Variants in CCZ1 observed in about 807,000 individuals in gnomAD.
CCZ1 encodes the protein vacuolar fusion protein CCZ1 homolog.
CCZ1 carries 19 observed loss-of-function variants against 57.8 expected under a neutral mutation model. That is an observed-to-expected ratio of 0.33 (90% confidence interval 0.23 to 0.48). The LOEUF (loss-of-function observed/expected upper bound fraction) is 0.48, where lower values mean the gene tolerates loss of function less well. Among genes scored for constraint, CCZ1 ranks in the 20% least tolerant of loss-of-function variants. The probability of loss-of-function intolerance (pLI) is 0.99; values close to 1 mark genes in which losing one functional copy is unlikely to be tolerated. For synonymous variants in CCZ1, 81 were observed against 167.0 expected (o/e 0.49, Z 3.97); for missense variants, 200 against 492.0 (o/e 0.41, Z 5.61).
rs2528332 is a variant in CCZ1 at position 5,912,733 on chromosome 7, C to T, written c.843-110C>T. ...CTGATATGGTGTTTGCCAAATAGCACCTGGCATCAAAAGCAACTGGTGTGT... is the reference window on the plus strand; with the variant it reads ...CTGATATGGTGTTTGCCAAATAGCATCTGGCATCAAAAGCAACTGGTGTGT... On this transcript the variant is annotated intron_variant, in intron 9 of 14. Coordinates refer to ENST00000325974, the MANE Select transcript of CCZ1 (RefSeq NM_015622.6). 3 of 1,240,430 alleles carry T rather than the reference C, an allele frequency of 2.4e-6. No homozygotes were observed. The African/African-American group carries it at 4.5e-5, about 19-fold the overall frequency. 76.8% of individuals were successfully genotyped at this position (1,240,430 alleles called of 1,614,324 possible).
intron 6 of CCZ1, 86 bp downstream of exon 6, chr7:5,902,830 A>C (rs142822906): frequency 0.15 from 219,604 of 1,427,384 alleles, 21,479 homozygotes; most frequent in Non-Finnish European, 0.16. Context: ...TGTTTCTTAT[A>C]TACAAAAAAC....
In CCZ1 at chr7:5,923,552, CCAGCCACTTCTCCAAT is replaced by C; in HGVS notation, c.1265+11_1265+26del. Reference sequence around the variant, plus strand: ...TCAACAGTGACTTTACCAGGTGATTCCAGCCACTTCTCCAATCAGGCGTCCCCTTTCTAAGACGAGA... The same window carrying C: ...TCAACAGTGACTTTACCAGGTGATTCCAGGCGTCCCCTTTCTAAGACGAGA... On this transcript the variant is annotated splice_region_variant and intron_variant, in intron 13 of 14. Transcript: ENST00000325974. 2.7e-6 allele frequency: 1 copy of C among 375,330 alleles called. No individual in the cohort carries two copies. Among genetic ancestry groups the C allele is most frequent in the South Asian group, 2.3e-5 (1 of 44,420 alleles). 23.2% of individuals were successfully genotyped at this position (375,330 alleles called of 1,614,324 possible). A position where few individuals can be genotyped will look rare whatever the true frequency, so the allele number is the denominator to read the frequency against.
chr7:5,922,754 C>T (rs368398410), intron 12 of CCZ1, among the ~76,000 whole-genome samples: 18 of 149,608 alleles, frequency 1.2e-4, no homozygotes, highest in East Asian at 1.2e-3. Context: ...GGGAAAGCTT[C>T]GTTACATAGT....
At chr7:5,900,834 T>G (rs550109387) in intron 3 of CCZ1, 21 bp from the exon 4 acceptor site, 5 of 1,264,090 alleles carry the variant, frequency 4.0e-6, no homozygotes, top group African/African-American at 1.6e-5. Flanking sequence ...TTGTATAATT[T>G]CAGTTTATCA....
intron 1 of CCZ1, among the ~76,000 whole-genome samples, chr7:5,899,498 C>T (rs1781634210): frequency 7.6e-6 from 1 of 130,894 alleles, no homozygotes; most frequent in Non-Finnish European, 1.6e-5. Context: ...TGACTCACGC[C>T]TGTAATCCCA....
At chr7:5,904,010 A>G (rs1420931092) in intron 6 of CCZ1, among the ~76,000 whole-genome samples, 1 of 140,820 alleles carries the variant, frequency 7.1e-6, no homozygotes. Context: ...GGAAATAAAG[A>G]TGGCACTCTC....
chr7:5,912,750 C>A, intron 9 of CCZ1, 93 bp from the exon 10 acceptor site: 2 of 1,203,604 alleles, frequency 1.7e-6, no homozygotes, highest in Admixed American at 1.7e-5. Flanking sequence ...TCAAAAGCAA[C>A]TGGTGTGTAT....
intron 5 of CCZ1, chr7:5,902,088 G>A (rs1297435730): frequency 1.8e-5 from 4 of 216,854 alleles, no homozygotes; most frequent in Non-Finnish European, 3.6e-5. Flanking sequence ...GAGCCCAGGA[G>A]TTCAGGACCA....
At chr7:5,920,629 G>T (rs1779221515) in intron 12 of CCZ1, among the ~76,000 whole-genome samples, 1 of 139,370 alleles carries the variant, frequency 7.2e-6, no homozygotes, top group East Asian at 2.0e-4. Flanking sequence ...GCACCACCAT[G>T]CCCGGCTCCT....
chr7:5,906,530 C>T lies in CCZ1; in HGVS notation c.698+1261C>T, dbSNP rs1781828637. ...TACAGACAAGGTTTTACCATGTTGGCCAGGCTGGTCCTAAACCCCTGACCT... is the reference window on the plus strand; with the variant it reads ...TACAGACAAGGTTTTACCATGTTGGTCAGGCTGGTCCTAAACCCCTGACCT... On this transcript the variant is annotated intron_variant, in intron 7 of 14. Transcript: ENST00000325974. Among the ~76,000 whole-genome samples the T allele has an allele frequency of 1.3e-5, 2 of 148,218 alleles. 1 individual carries two copies. Among genetic ancestry groups the T allele is most frequent in the South Asian group, 4.4e-4 (2 of 4,496 alleles).
chr7:5,903,228 G>A (rs1781723952), intron 6 of CCZ1, among the ~76,000 whole-genome samples: 1 of 147,010 alleles, frequency 6.8e-6, no homozygotes, highest in Non-Finnish European at 1.5e-5. Context: ...TCCAAGTGCT[G>A]TCCTCTTTCG....
chr7:5,910,853 A>C (rs1045951868), intron 8 of CCZ1, among the ~76,000 whole-genome samples: 1 of 147,160 alleles, frequency 6.8e-6, no homozygotes, highest in Non-Finnish European at 1.5e-5. Context: ...CTCCGGCCTC[A>C]GGCTCCCGAG....
At chr7:5,908,534 AG>A (rs1781889798) in intron 7 of CCZ1, among the ~76,000 whole-genome samples, 1 of 147,812 alleles carries the variant, frequency 6.8e-6, no homozygotes, top group Non-Finnish European at 1.5e-5. Context: ...GTGTGCTATC[AG>A]GCCTAGCAAA....
chr7:5,916,498 GT>G (rs764065119), intron 10 of CCZ1, among the ~76,000 whole-genome samples: 1 of 111,012 alleles, frequency 9.0e-6, no homozygotes, highest in Non-Finnish European at 1.9e-5. Flanking sequence ...TTTTTGTTTT[GT>G]TTTTTGTTTT....
chr7:5,920,366 G>A (rs371490787), intron 12 of CCZ1, among the ~76,000 whole-genome samples: 21,475 of 110,682 alleles, frequency 0.19, 707 homozygotes, highest in South Asian at 0.29. Context: ...CTGGGCCTGG[G>A]TACTCAGTCT....
Position 5,901,527 on chromosome 7 carries a change from G to A in CCZ1, c.391-130G>A, listed in dbSNP as rs1261841690. On this transcript the variant is annotated intron_variant, in intron 4 of 14. Coordinates refer to ENST00000325974, the MANE Select transcript of CCZ1 (RefSeq NM_015622.6). ...AACGCAAACACTTTTTTTTCAGCAC[G>A]CAACTATTGTGGGACAAAGTTTATA... The A allele has an allele frequency of 1.0e-4, 135 of 1,314,416 alleles. 4 individuals are homozygous for A. The highest frequency in any genetic ancestry group is 1.3e-4 in the Non-Finnish European group (130 of 1,017,998). 81.4% of individuals were successfully genotyped at this position (1,314,416 alleles called of 1,614,324 possible).
At chr7:5,899,334 G>GGGGTGTGTGTGTGTGTGTGTGT (rs1781626415) in intron 1 of CCZ1, among the ~76,000 whole-genome samples, 1 of 12,558 alleles carries the variant, frequency 8.0e-5, no homozygotes, top group African/African-American at 2.8e-4. Context: ...TCGGGAGGGG[G>GGGGTGTGTGTGTGTGTGTGTGT]GTGTGTGTGT....
chr7:5,922,979 A>G (rs1159188082), intron 12 of CCZ1, among the ~76,000 whole-genome samples: 2 of 147,932 alleles, frequency 1.4e-5, no homozygotes, highest in Admixed American at 6.7e-5. Context: ...CAGACAACAC[A>G]TGAACATGTG....
chr7:5,909,612 C>T (rs1274624687), intron 7 of CCZ1, among the ~76,000 whole-genome samples: 1 of 147,750 alleles, frequency 6.8e-6, no homozygotes, highest in African/African-American at 2.5e-5. Context: ...GATGGGAGGA[C>T]CGCTTGAGCC....
Sources: allele counts gnomAD v4.1 joint callset (sites outside exome capture counted in the v4.1 genomes callset), GRCh38; gene constraint gnomAD v4.1.1; transcripts MANE v1.5; gene names NCBI Gene and HGNC (gene_info 2026-07-23, HGNC 2026-07-21).